ROBO2: variants seen among roughly 807,000 people sequenced by gnomAD.
ROBO2 encodes the protein roundabout guidance receptor 2, also known as roundabout homolog 2.
ROBO2 carries 53 observed loss-of-function variants against 160.8 expected under a neutral mutation model. The observed-to-expected ratio is 0.33, with a 90% CI of 0.26 to 0.41. ROBO2 has a LOEUF of 0.41. Among genes scored for constraint, ROBO2 ranks in the 10% least tolerant of loss-of-function variants. The pLI is 1.00. For synonymous variants in ROBO2, 664 were observed against 611.7 expected, an observed-to-expected ratio of 1.09 and a Z score of -1.26; for missense variants, 1,577 against 1,722.4, an observed-to-expected ratio of 0.92 and a Z score of 1.49.
At chr3:76,163,502 A>T (rs1342890439) in intron 2 of ROBO2, among the ~76,000 whole-genome samples, 1 of 148,990 alleles carries the variant, frequency 6.7e-6, no homozygotes, top group Non-Finnish European at 1.5e-5. Flanking sequence ...ACTGTGTATT[A>T]TATATTATAT....
At chr3:77,632,476 T>C in intron 23 of ROBO2, 1 of 1,529,860 alleles carries the variant, frequency 6.5e-7, no homozygotes, top group Admixed American at 2.0e-5. Context: ...GTTTTTAGGT[T>C]CAATGGTAAA....
chr3:76,386,361 T>TC (rs2076889028), intron 2 of ROBO2, among the ~76,000 whole-genome samples: 5 of 79,306 alleles, frequency 6.3e-5, no homozygotes, highest in African/African-American at 3.6e-4. Flanking sequence ...CTCCCTCCCT[T>TC]CCTTCCTCCC....
intron 2 of ROBO2, among the ~76,000 whole-genome samples, chr3:76,003,983 A>G (rs570363824): frequency 9.8e-5 from 15 of 152,332 alleles, no homozygotes; most frequent in Admixed American, 7.2e-4. Flanking sequence ...TGCTTTGGAA[A>G]ACAATAGGGA....
chr3:76,377,005 A>G (rs986897300), intron 2 of ROBO2, among the ~76,000 whole-genome samples: 8 of 152,116 alleles, frequency 5.3e-5, no homozygotes, highest in South Asian at 2.1e-4. Flanking sequence ...ATGATTGGCA[A>G]TTTTGACTCT....
intron 2 of ROBO2, among the ~76,000 whole-genome samples, chr3:76,676,898 C>T (rs1431554852): frequency 6.6e-6 from 1 of 152,066 alleles, no homozygotes; most frequent in African/African-American, 2.4e-5. Context: ...TGCCCATCAC[C>T]TGAGGAAGGT....
chr3:77,476,196 A>G (rs1482578629), intron 2 of ROBO2, among the ~76,000 whole-genome samples: 3 of 152,176 alleles, frequency 2.0e-5, no homozygotes, highest in South Asian at 2.1e-4. Context: ...CAATTAACCT[A>G]CAGACTTGGC....
rs375232892 is a variant in ROBO2 at position 76,847,592 on chromosome 3, C to T, written c.110-250422C>T. ...GAAGGAAGCCAGGAATTTAGATAAT[C>T]TAAAAAGTCCTTGTCAGCTAAGAGA... On this transcript the variant is annotated intron_variant, in intron 2 of 26. Coordinates refer to the ROBO2 transcript ENST00000487694. Among the ~76,000 whole-genome samples the T allele has an allele frequency of 5.9e-5, 9 of 152,134 alleles. No homozygotes were observed. The East Asian group carries it at 9.6e-4, about 16-fold the overall frequency.
intron 2 of ROBO2, among the ~76,000 whole-genome samples, chr3:77,309,281 T>TAA (rs1296001315): frequency 6.6e-6 from 1 of 152,146 alleles, no homozygotes; most frequent in African/African-American, 2.4e-5. Context: ...TTCACAGAAA[T>TAA]AAGTTTATGT....
rs114493187 is a variant in ROBO2 at position 76,503,976 on chromosome 3, C to T, written c.109+566374C>T. Among the ~76,000 whole-genome samples the T allele has an allele frequency of 2.4e-3, 368 of 152,280 alleles. 1 individual carries two copies. Among genetic ancestry groups the T allele is most frequent in the Admixed American group, 3.9e-3 (60 of 15,294 alleles). On this transcript the variant is annotated intron_variant, in intron 2 of 26. Coordinates refer to the ROBO2 transcript ENST00000487694. ...GTCATGAAAATCATTATGTAGATAA[C>T]TAGAGTTAAGCTCAGATTTGCTCTT...
intron 2 of ROBO2, among the ~76,000 whole-genome samples, chr3:76,022,091 C>T (rs1157171548): frequency 6.6e-6 from 1 of 151,746 alleles, no homozygotes. Context: ...GTTTCTATCT[C>T]AAGGAATGAC....
At chr3:76,378,554 C>T (rs1018775010) in intron 2 of ROBO2, among the ~76,000 whole-genome samples, 1 of 152,158 alleles carries the variant, frequency 6.6e-6, no homozygotes, top group Non-Finnish European at 1.5e-5. Flanking sequence ...TAGCAGCACA[C>T]TTCACGTGCT....
chr3:77,254,440 C>CTTT (rs74266995), intron 2 of ROBO2, among the ~76,000 whole-genome samples: 2 of 146,108 alleles, frequency 1.4e-5, no homozygotes, highest in Admixed American at 6.8e-5. Context: ...TAAAATACTT[C>CTTT]TTTTTTTTTT....
chr3:76,702,349 C>T (rs2093063107), intron 2 of ROBO2, among the ~76,000 whole-genome samples: 1 of 151,984 alleles, frequency 6.6e-6, no homozygotes, highest in Non-Finnish European at 1.5e-5. Context: ...ATTGTTTAAG[C>T]ATTGAAGAGT....
intron 23 of ROBO2, among the ~76,000 whole-genome samples, chr3:77,623,948 T>G (rs2153707073): frequency 6.6e-6 from 1 of 152,320 alleles, no homozygotes; most frequent in South Asian, 2.1e-4. Context: ...TTTGCACTTT[T>G]ACATGCTCAC....
chr3:76,076,757 A>C (rs774723578), intron 2 of ROBO2, among the ~76,000 whole-genome samples: 6 of 152,222 alleles, frequency 3.9e-5, no homozygotes, highest in Non-Finnish European at 8.8e-5. Context: ...GCTGTCTTCC[A>C]AAAGAGCATA....
chr3:77,417,236 T>TGC (rs1218404706), intron 2 of ROBO2, among the ~76,000 whole-genome samples: 3 of 151,494 alleles, frequency 2.0e-5, no homozygotes, highest in Non-Finnish European at 4.4e-5. Flanking sequence ...AACCACTTTT[T>TGC]TTTTTTTTTT....
At chr3:76,891,967 T>C (rs773960183) in intron 2 of ROBO2, among the ~76,000 whole-genome samples, 2 of 152,126 alleles carry the variant, frequency 1.3e-5, no homozygotes, top group Non-Finnish European at 2.9e-5. Flanking sequence ...CGGACAAATT[T>C]AGCAAATGTG....
intron 2 of ROBO2, among the ~76,000 whole-genome samples, chr3:76,801,876 T>C (rs535629315): frequency 2.0e-5 from 3 of 152,232 alleles, no homozygotes; most frequent in South Asian, 2.1e-4. Flanking sequence ...GCCCTTAGAG[T>C]CCTTTGTAGG....
chr3:76,656,931 CTTTAACTGGCTCTCTA>C (rs776398324), intron 2 of ROBO2, among the ~76,000 whole-genome samples: 6 of 152,022 alleles, frequency 3.9e-5, no homozygotes, highest in Non-Finnish European at 8.8e-5. Context: ...TCTATTTAGT[CTTTAACTGGCTCTCTA>C]TTTAGTCTTT....
Sources: allele counts gnomAD v4.1 joint callset (sites outside exome capture counted in the v4.1 genomes callset), GRCh38; gene constraint gnomAD v4.1.1; transcripts MANE v1.5; gene names NCBI Gene and HGNC (gene_info 2026-07-23, HGNC 2026-07-21).